FRMD7: variants seen among roughly 807,000 people sequenced by gnomAD.
FRMD7 encodes FERM domain containing 7.
FRMD7 carries 14 observed loss-of-function variants against 44.1 expected under a neutral mutation model. The observed-to-expected ratio is 0.32, with a 90% CI of 0.21 to 0.50. FRMD7 has a LOEUF of 0.50. FRMD7 is among the 20% of genes least tolerant of loss of function. The pLI, the probability that FRMD7 is intolerant of heterozygous loss-of-function variation, is 0.99. For missense variants in FRMD7, 501 were observed against 522.3 expected (o/e 0.96, Z 0.40); for synonymous variants, 212 against 187.4 (o/e 1.13, Z -1.07).
intron 5 of FRMD7, 127 bp from the exon 6 acceptor site, chrX:132,086,161 C>T: frequency 3.8e-6 from 2 of 522,810 alleles, no homozygotes; most frequent in Non-Finnish European, 6.9e-6. Flanking sequence ...AAGCCTCCAA[C>T]CCCACGCTTT....
chrX:132,085,449 G>T, intron 7 of FRMD7, 132 bp downstream of exon 7: 1 of 560,665 alleles, frequency 1.8e-6, no homozygotes, highest in South Asian at 2.8e-5. Flanking sequence ...AAGTAAATAT[G>T]ATTGACCATT....
chrX:132,108,231 T>C (rs1928693312), intron 1 of FRMD7, among the ~76,000 whole-genome samples: 1 of 111,881 alleles, frequency 8.9e-6, no homozygotes, highest in Admixed American at 9.5e-5. Context: ...GAAAGTAAAT[T>C]AGTGGTTTCC....
intron 3 of FRMD7, 66 bp downstream of exon 3, chrX:132,099,402 G>A: frequency 1.1e-6 from 1 of 884,599 alleles, no homozygotes; most frequent in Non-Finnish European, 1.7e-6. Context: ...AATTGTGTGA[G>A]GTTGTTGAAA....
intron 8 of FRMD7, among the ~76,000 whole-genome samples, 183 bp downstream of exon 8, chrX:132,084,307 A>C (rs192276683): frequency 2.8e-4 from 31 of 111,863 alleles, no homozygotes; most frequent in Non-Finnish European, 5.1e-4. Flanking sequence ...CAGATTTCTT[A>C]GTGTTTTGCC....
Position 132,085,623 on chromosome X carries a change from C to A in FRMD7, c.603G>T (p.Gln201His). The A allele has an allele frequency of 8.3e-7, 1 of 1,210,360 alleles. No individual in the cohort carries two copies. Among genetic ancestry groups the A allele is most frequent in the African/African-American group, 1.7e-5 (1 of 57,845 alleles). Reference sequence around the variant, plus strand: ...CCATGTGAGCAACAGCCAGGTGAATCTGCATCCCTTCACCATCACTGGCGG... The same window carrying A: ...CCATGTGAGCAACAGCCAGGTGAATATGCATCCCTTCACCATCACTGGCGG... Reference protein sequence around the residue: ...PHPASDGEGMQIHLAVAHMGV... With the variant: ...PHPASDGEGMHIHLAVAHMGV... The change falls in exon 7 of 12, where the codon CAG (glutamine) becomes CAT (histidine). Residue 201 changes from glutamine (Q) to histidine (H), a missense_variant. Coordinates refer to ENST00000298542, the MANE Select transcript of FRMD7 (RefSeq NM_194277.3).
chrX:132,116,943 C>T (rs1003874889), intron 1 of FRMD7, among the ~76,000 whole-genome samples: 1 of 112,237 alleles, frequency 8.9e-6, no homozygotes, highest in Non-Finnish European at 1.9e-5. Flanking sequence ...TGCATGGGCT[C>T]TTAATCCAGC....
intron 8 of FRMD7, 53 bp downstream of exon 8, chrX:132,084,436 CA>C: frequency 1.3e-6 from 1 of 772,155 alleles, no homozygotes; most frequent in Non-Finnish European, 2.0e-6. Flanking sequence ...CAGAAACAAC[CA>C]AAAAAATTCC....
At chrX:132,119,455 C>T (rs889780691) in intron 1 of FRMD7, among the ~76,000 whole-genome samples, 26 of 111,527 alleles carry the variant, frequency 2.3e-4, no homozygotes, top group Non-Finnish European at 3.4e-4. Context: ...TAGAAGGAAT[C>T]TCAGAGGACA....
intron 4 of FRMD7, 57 bp from the exon 5 acceptor site, chrX:132,094,196 T>A: frequency 1.4e-6 from 1 of 732,287 alleles, no homozygotes; most frequent in Non-Finnish European, 2.1e-6. Flanking sequence ...GAAAGAAGCA[T>A]TTTCCTTCTC....
chrX:132,116,493 C>T lies in FRMD7; in HGVS notation c.57+11295G>A, dbSNP rs145103324. Reference sequence around the variant, plus strand: ...CAGCAACTGCTGACCCTGTTTTTTACTCAACCACTCCCAACACAAATAAGA... The same window carrying T: ...CAGCAACTGCTGACCCTGTTTTTTATTCAACCACTCCCAACACAAATAAGA... On this transcript the variant is annotated intron_variant, in intron 1 of 11. Transcript: ENST00000298542. Among the ~76,000 whole-genome samples, 989 of 112,045 alleles carry T rather than the reference C, an allele frequency of 8.8e-3. 11 individuals carry two copies. Among genetic ancestry groups the T allele is most frequent in the African/African-American group, 0.031 (949 of 30,808 alleles).
In FRMD7 at chrX:132,084,646, T is replaced by C. The variant is rs1927926491; in HGVS notation, c.646-61A>G. ...TAACAAGAGTTGGCTTGTAAGACAG[T>C]GCAAACCTGATAGAAAATGCACTTA... On this transcript the variant is annotated intron_variant, in intron 7 of 11. Coordinates refer to ENST00000298542, the MANE Select transcript of FRMD7 (RefSeq NM_194277.3). 16 of 685,065 alleles carry C rather than the reference T, an allele frequency of 2.3e-5. No homozygotes were observed. The East Asian group carries it at 5.1e-4, about 22-fold the overall frequency. 56.5% of individuals were successfully genotyped at this position (685,065 alleles called of 1,213,427 possible). A position where few individuals can be genotyped will look rare whatever the true frequency, so the allele number is the denominator to read the frequency against.
chrX:132,104,826 C>T (rs978323483), intron 1 of FRMD7, among the ~76,000 whole-genome samples: 1 of 112,549 alleles, frequency 8.9e-6, no homozygotes, highest in African/African-American at 3.2e-5. Context: ...GAGTCCCATG[C>T]TTACTAATGA....
intron 5 of FRMD7, among the ~76,000 whole-genome samples, chrX:132,087,728 C>G (rs1003561593): frequency 9.0e-6 from 1 of 111,054 alleles, no homozygotes; most frequent in Admixed American, 9.6e-5. Context: ...GATACCAAAA[C>G]GGGACAAAAA....
intron 1 of FRMD7, among the ~76,000 whole-genome samples, chrX:132,121,596 T>TAA (rs60179222): frequency 3.8e-4 from 39 of 102,851 alleles, no homozygotes; most frequent in East Asian, 6.0e-4. Flanking sequence ...TTTTATAGAT[T>TAA]AAAAAAAAAA....
intron 1 of FRMD7, among the ~76,000 whole-genome samples, chrX:132,116,751 G>C (rs1337235826): frequency 9.0e-6 from 1 of 111,668 alleles, no homozygotes; most frequent in Non-Finnish European, 1.9e-5. Context: ...GATGGGTGCA[G>C]TAAACCACCA....
intron 6 of FRMD7, 34 bp downstream of exon 6, chrX:132,085,886 C>A (rs764523587): frequency 1.9e-6 from 2 of 1,055,686 alleles, no homozygotes; most frequent in Non-Finnish European, 2.7e-6. Flanking sequence ...GTGTTCTCTA[C>A]TGGGGGAAGC....
chrX:132,092,360 CAAAT>C (rs755998761), intron 5 of FRMD7, among the ~76,000 whole-genome samples: 6 of 111,309 alleles, frequency 5.4e-5, no homozygotes, highest in Admixed American at 2.9e-4. Context: ...GAAAATTAGA[CAAAT>C]AAATGTGGAG....
intron 1 of FRMD7, among the ~76,000 whole-genome samples, chrX:132,108,971 C>G (rs767044139): frequency 1.8e-5 from 2 of 111,826 alleles, no homozygotes; most frequent in South Asian, 3.8e-4. Flanking sequence ...ATGTAAATTG[C>G]CCAGCCTCGG....
At chrX:132,097,213 G>A (rs760773336) in intron 4 of FRMD7, 53 bp downstream of exon 4, 1 of 884,662 alleles carries the variant, frequency 1.1e-6, no homozygotes, top group Non-Finnish European at 1.7e-6. Context: ...AATAAATGGA[G>A]AATAATGATT....
Sources: gnomAD v4.1 joint callset for allele counts (sites outside exome capture counted in the v4.1 genomes callset) on GRCh38, gnomAD v4.1.1 for gene constraint, MANE v1.5 for transcripts, NCBI Gene and HGNC (gene_info 2026-07-23, HGNC 2026-07-21) for gene names.